ROBO1: variants seen among roughly 807,000 people sequenced by gnomAD.
ROBO1 encodes roundabout guidance receptor 1.
In ROBO1, 149 loss-of-function variants were observed where a neutral mutation model predicts 195.9. The ratio of observed to expected loss-of-function variants is 0.76; its 90% CI spans 0.67 to 0.87. The LOEUF is 0.87. Among genes scored for constraint, ROBO1 ranks in the 40% least tolerant of loss-of-function variants. The pLI is 0.00. For synonymous variants in ROBO1, 816 were observed against 733.2 expected (o/e 1.11, Z -1.82); for missense variants, 1,933 against 2,068.3 (o/e 0.93, Z 1.27).
chr3:78,661,948 CGCAG>C (rs1559711680), intron 15 of ROBO1, 41 bp downstream of exon 15: 1 of 1,586,232 alleles, frequency 6.3e-7, no homozygotes, highest in South Asian at 1.2e-5. Flanking sequence ...GCAATGATCT[CGCAG>C]ACGCTTATTA....
intron 3 of ROBO1, among the ~76,000 whole-genome samples, chr3:79,123,750 A>C (rs2080164110): frequency 6.6e-6 from 1 of 152,056 alleles, no homozygotes; most frequent in Non-Finnish European, 1.5e-5. Context: ...TAGACTATAA[A>C]GATAATTTTA....
chr3:78,694,527 T>C (rs1214897291), intron 8 of ROBO1, among the ~76,000 whole-genome samples: 8 of 152,216 alleles, frequency 5.3e-5, no homozygotes, highest in South Asian at 4.1e-4. Context: ...ATAATGTCTT[T>C]ATTTTTCATT....
intron 3 of ROBO1, among the ~76,000 whole-genome samples, chr3:78,960,214 T>A (rs919978442): frequency 6.6e-6 from 1 of 152,022 alleles, no homozygotes; most frequent in Admixed American, 6.6e-5. Flanking sequence ...TTAATTTTTT[T>A]AAACTTATCT....
intron 8 of ROBO1, among the ~76,000 whole-genome samples, chr3:78,692,152 G>T (rs568313253): frequency 5.9e-5 from 9 of 151,768 alleles, no homozygotes; most frequent in African/African-American, 2.2e-4. Flanking sequence ...TTTTTGTAAG[G>T]TATCATATAG....
At chr3:79,545,981 A>G (rs1212228042) in intron 2 of ROBO1, among the ~76,000 whole-genome samples, 1 of 152,090 alleles carries the variant, frequency 6.6e-6, no homozygotes, top group Non-Finnish European at 1.5e-5. Context: ...TCCTTGAGAG[A>G]GCAAGACCAA....
At chr3:78,963,572 G>A (rs1317226039) in intron 3 of ROBO1, among the ~76,000 whole-genome samples, 1 of 123,920 alleles carries the variant, frequency 8.1e-6, no homozygotes, top group African/African-American at 3.0e-5. Context: ...AGGCTGGAGT[G>A]CAGTGGCGCG....
intron 2 of ROBO1, among the ~76,000 whole-genome samples, chr3:79,575,185 C>CATATATATAAATATATATAAT (rs1560007239): frequency 1.3e-5 from 1 of 79,240 alleles, no homozygotes; most frequent in Non-Finnish European, 2.5e-5. Flanking sequence ...ATATATATAA[C>CATATATATAAATATATATAAT]ATATATATAA....
chr3:78,934,654 A>C (rs947180885), intron 4 of ROBO1, among the ~76,000 whole-genome samples: 9 of 151,972 alleles, frequency 5.9e-5, no homozygotes, highest in African/African-American at 1.9e-4. Flanking sequence ...CGGTGCTGAT[A>C]TCTCAGAACT....
chr3:79,360,416 CT>C (rs2035723955), intron 2 of ROBO1, among the ~76,000 whole-genome samples: 1 of 151,414 alleles, frequency 6.6e-6, no homozygotes, highest in African/African-American at 2.4e-5. Context: ...TTTTTTTGTA[CT>C]TTTAAATTTT....
At chr3:79,403,587 A>G (rs917891259) in intron 2 of ROBO1, among the ~76,000 whole-genome samples, 60 of 152,024 alleles carry the variant, frequency 3.9e-4, no homozygotes, top group African/African-American at 1.4e-3. Context: ...TTTTTCAAAG[A>G]CATTGTATTC....
At chr3:79,137,353 T>C (rs1403141589) in intron 2 of ROBO1, among the ~76,000 whole-genome samples, 1 of 151,884 alleles carries the variant, frequency 6.6e-6, no homozygotes, top group Non-Finnish European at 1.5e-5. Flanking sequence ...AATTTTAACC[T>C]GTGGCCTGAG....
intron 1 of ROBO1, among the ~76,000 whole-genome samples, chr3:79,604,247 T>G (rs1282939431): frequency 4.6e-5 from 7 of 151,956 alleles, no homozygotes; most frequent in Admixed American, 6.6e-5. Context: ...CAAAAAAAAG[T>G]AGCTATGGGA....
chr3:78,961,008 T>C (rs748067115), intron 3 of ROBO1, among the ~76,000 whole-genome samples: 1 of 152,160 alleles, frequency 6.6e-6, no homozygotes, highest in African/African-American at 2.4e-5. Context: ...TGGAATCTTA[T>C]TTATGCCACT....
At chr3:78,755,907 T>C (rs950639411) in intron 4 of ROBO1, among the ~76,000 whole-genome samples, 10 of 152,328 alleles carry the variant, frequency 6.6e-5, no homozygotes, top group African/African-American at 2.2e-4. Flanking sequence ...TTTTGAGCTA[T>C]TTGGATCTAT....
In ROBO1 at chr3:79,258,066, A is replaced by G. The variant is rs376048247; in HGVS notation, c.89-132527T>C. ...TCTTTTCCTGTCTTGAAATGTGCTA[A>G]GCATCTTTAAACATTTAGCTACAAT... On this transcript the variant is annotated intron_variant, in intron 2 of 30. Transcript: ENST00000464233. Among the ~76,000 whole-genome samples the G allele has an allele frequency of 2.2e-3, 331 of 152,176 alleles. 1 individual carries two copies. Among genetic ancestry groups the G allele is most frequent in the African/African-American group, 7.0e-3 (289 of 41,538 alleles).
intron 2 of ROBO1, among the ~76,000 whole-genome samples, chr3:79,549,370 G>A (rs1942391028): frequency 6.6e-6 from 1 of 152,042 alleles, no homozygotes; most frequent in Non-Finnish European, 1.5e-5. Flanking sequence ...TGAGGACATG[G>A]CATCTTATGA....
intron 2 of ROBO1, among the ~76,000 whole-genome samples, chr3:79,206,527 T>C (rs2081871269): frequency 6.6e-6 from 1 of 152,264 alleles, no homozygotes; most frequent in Middle Eastern, 3.4e-3. Flanking sequence ...ATACTACATA[T>C]AGAGTTCAGT....
intron 1 of ROBO1, among the ~76,000 whole-genome samples, chr3:79,717,862 G>T (rs1702551766): frequency 2.0e-5 from 3 of 151,982 alleles, no homozygotes; most frequent in Admixed American, 1.3e-4. Context: ...TTTTGTGTGT[G>T]TATTTTTCTG....
chr3:78,695,763 T>G (rs147679281), intron 8 of ROBO1, among the ~76,000 whole-genome samples: 1 of 152,146 alleles, frequency 6.6e-6, no homozygotes, highest in Non-Finnish European at 1.5e-5. Context: ...CTATCTTGAA[T>G]GGTCATTTAA....
Sources: allele counts gnomAD v4.1 joint callset (sites outside exome capture counted in the v4.1 genomes callset), GRCh38; gene constraint gnomAD v4.1.1; transcripts MANE v1.5; gene names NCBI Gene and HGNC (gene_info 2026-07-23, HGNC 2026-07-21).